Variants in FHDC1 observed in about 807,000 individuals in gnomAD.
FHDC1 encodes the protein FH2 domain containing 1, also known as FH2 domain-containing protein 1.
FHDC1 carries 25 observed loss-of-function variants against 52.6 expected under a neutral mutation model. That is an observed-to-expected ratio of 0.48 (90% CI 0.35 to 0.66). The LOEUF (loss-of-function observed/expected upper bound fraction) is 0.66, where lower values mean the gene tolerates loss of function less well. Ranked by LOEUF, FHDC1 falls within the 30% of genes least tolerant of loss-of-function variation. FHDC1 has a pLI of 0.01. For missense variants in FHDC1, 1,459 were observed against 1,452.8 expected (o/e 1.00, Z -0.07); for synonymous variants, 616 against 581.5 (o/e 1.06, Z -0.85).
rs73863315 is a variant in FHDC1, at chr4:152,940,142, C to G, written c.-130-2786C>G. Among the ~76,000 whole-genome samples, 887 of 152,348 alleles carry G rather than the reference C, an allele frequency of 5.8e-3. 8 individuals are homozygous for G. Among genetic ancestry groups the G allele is most frequent in the African/African-American group, 0.02 (829 of 41,580 alleles). On this transcript the variant is annotated intron_variant, in intron 1 of 11. Coordinates refer to ENST00000511601, the MANE Select transcript of FHDC1 (RefSeq NM_001371116.1). The stretch of plus-strand genomic sequence containing the variant: ...GGGTTAGAATTCTGTCTGTACTCCA[C>G]TTTTCCTGCCACCTCTTTCACATTG...
intron 1 of FHDC1, among the ~76,000 whole-genome samples, chr4:152,937,966 G>C (rs1296925141): frequency 6.6e-6 from 1 of 152,164 alleles, no homozygotes; most frequent in Non-Finnish European, 1.5e-5. Context: ...CAGAGAGCTG[G>C]TGAACTACTA....
At position 152,949,387 on chromosome 4, in the gene FHDC1, G is replaced by A. The variant is rs949510663; in HGVS notation, c.499-4112G>A. 1.0e-3 allele frequency among the ~76,000 whole-genome samples: 153 copies of A among 152,108 alleles called. 1 individual carries two copies. The highest frequency in any genetic ancestry group is 2.1e-4 in the Non-Finnish European group (14 of 68,004). On this transcript the variant is annotated intron_variant, in intron 2 of 11. Transcript: ENST00000511601. ...CCTAGCTACTCAGGAGGCTGATGCA[G>A]AAGGATTGCTTGAGCCCAGGAGTTT...
intron 8 of FHDC1, among the ~76,000 whole-genome samples, chr4:152,963,398 A>G (rs567132836): frequency 5.3e-5 from 8 of 152,306 alleles, no homozygotes; most frequent in Non-Finnish European, 8.8e-5. Context: ...GGGAATTTGG[A>G]TTTCATGCTT....
chr4:152,949,118 TAATAATAAGAAGAAGAAGAAG>T (rs1358885951), intron 2 of FHDC1, among the ~76,000 whole-genome samples: 1,915 of 75,742 alleles, frequency 0.025, 21 homozygotes, highest in East Asian at 0.049. Context: ...ATAATAATAA[TAATAATAAGAAGAAGAAGAAG>T]AAGAAGAAGA....
Position 152,976,843 on chromosome 4 carries a change from C to A in FHDC1, c.*120C>A. ...GATAAAGCAGCCACTGGTGCCACTG[C>A]TAGTGACGCTGTTGGGATGGCACAG... On this transcript the variant is annotated 3_prime_UTR_variant, in exon 12 of 12. Transcript: ENST00000511601. 2 of 1,297,712 alleles carry A rather than the reference C, an allele frequency of 1.5e-6. No individual in the cohort carries two copies. Among genetic ancestry groups the A allele is most frequent in the Non-Finnish European group, 2.1e-6 (2 of 975,472 alleles). 80.4% of individuals were successfully genotyped at this position (1,297,712 alleles called of 1,614,324 possible).
At chr4:152,927,016 C>G in the FHDC1 span, among the ~76,000 whole-genome samples, 1 of 152,232 alleles carries the variant, frequency 6.6e-6, no homozygotes, top group Admixed American at 6.5e-5. Flanking sequence ...GAAGACTGCT[C>G]TCTACCATCC....
the FHDC1 span, chr4:152,928,315 C>G: frequency 1.9e-6 from 1 of 525,886 alleles, no homozygotes; most frequent in Non-Finnish European, 3.4e-6. Flanking sequence ...TGCCTGCATC[C>G]TGTGCACAAC....
intron 1 of FHDC1, among the ~76,000 whole-genome samples, chr4:152,941,233 TCAC>T (rs1739565351): frequency 1.3e-5 from 2 of 152,214 alleles, no homozygotes; most frequent in Non-Finnish European, 2.9e-5. Flanking sequence ...TAATAGATGA[TCAC>T]CAAGCATTGA....
chr4:152,960,451 G>T, intron 4 of FHDC1, 114 bp from the exon 5 acceptor site: 3 of 931,750 alleles, frequency 3.2e-6, no homozygotes, highest in Non-Finnish European at 3.2e-6. Flanking sequence ...AAATTAATTT[G>T]AATTTAGCAC....
intron 11 of FHDC1, among the ~76,000 whole-genome samples, chr4:152,974,437 C>T (rs1698017345): frequency 6.6e-6 from 1 of 152,056 alleles, no homozygotes; most frequent in African/African-American, 2.4e-5. Flanking sequence ...CAGCACTCAC[C>T]CCTTCTGCTC....
Position 152,975,797 on chromosome 4 carries a change from G to T in FHDC1, c.2506G>T (p.Val836Phe). ...SSPPGEAPAP[V>F]SVDSEPSCKG... ...CCCCCCTGGGGAGGCTCCTGCCCCC[G>T]TCTCTGTGGATAGTGAGCCCAGCTG... Residue 836 changes from valine to phenylalanine, a missense_variant, in exon 12 of 12, where the codon GTC (valine) becomes TTC (phenylalanine). Physicochemically the swap from Val to Phe is conservative, Grantham distance 50. Around this residue, in one of 3 missense-constraint regions of FHDC1, gnomAD observed 939 missense variants for 854.5 expected, o/e 1.10. Transcript: ENST00000511601. The T allele has an allele frequency of 1.3e-6, 2 of 1,535,526 alleles. No homozygotes were observed. The highest frequency in any genetic ancestry group is 1.8e-6 in the Non-Finnish European group (2 of 1,142,084).
chr4:152,953,512 A>C lies in FHDC1; in HGVS notation c.512A>C (p.Asp171Ala), dbSNP rs1375297566. 13 of 1,612,268 alleles carry C rather than the reference A, an allele frequency of 8.1e-6. No individual in the cohort carries two copies. Among genetic ancestry groups the C allele is most frequent in the Non-Finnish European group, 1.1e-5 (13 of 1,179,696 alleles). ...REAREEITIL[D>A]AKRSMNIGIF... ...TTTTTTTTCCAGATTACTATTTTGG[A>C]TGCAAAACGGAGCATGAACATTGGG... is the stretch of plus-strand genomic sequence containing the variant. Residue 171 changes from aspartate to alanine, a missense_variant, in exon 3 of 12, where the codon GAT becomes GCT. Asp to Ala is a moderately radical substitution (Grantham distance 126, BLOSUM62 -2). Around this residue, in one of 3 missense-constraint regions of FHDC1, gnomAD observed 513 missense variants for 581.5 expected, o/e 0.88. Transcript: ENST00000511601.
At chr4:152,939,325 C>T (rs1418641597) in intron 1 of FHDC1, among the ~76,000 whole-genome samples, 2 of 152,072 alleles carry the variant, frequency 1.3e-5, no homozygotes, top group South Asian at 2.1e-4. Flanking sequence ...TTAGTAGAGA[C>T]GGGTTTCACC....
At chr4:152,928,379 T>C in the FHDC1 span, among the ~76,000 whole-genome samples, 7,391 of 152,284 alleles carry the variant, frequency 0.049, 232 homozygotes, top group South Asian at 0.12. Flanking sequence ...ATCTGTGGCC[T>C]GAATCGTGTT....
At position 152,977,922 on chromosome 4, in the gene FHDC1, G is replaced by A. The variant is rs1272807097; in HGVS notation, c.*1199G>A. On this transcript the variant is annotated 3_prime_UTR_variant, in exon 12 of 12. Transcript: ENST00000511601. ...TTGTCTGGCTTGCCCACTTCTCCGT[G>A]CATGACTCTGGGTGTGAGTCTGTCT... The A allele has an allele frequency of 6.6e-6, 1 of 152,266 alleles. No homozygotes were observed. Among genetic ancestry groups the A allele is most frequent in the African/African-American group, 2.4e-5 (1 of 41,460 alleles). 9.4% of individuals were successfully genotyped at this position (152,266 alleles called of 1,614,324 possible).
At chr4:152,973,047 C>T (rs17277344) in intron 11 of FHDC1, among the ~76,000 whole-genome samples, 9,738 of 152,250 alleles carry the variant, frequency 0.064, 422 homozygotes, top group African/African-American at 0.11. Flanking sequence ...GAGCGGTCTT[C>T]CAGATTCCCA....
intron 2 of FHDC1, among the ~76,000 whole-genome samples, chr4:152,950,193 C>T (rs1014659488): frequency 2.6e-5 from 4 of 152,162 alleles, no homozygotes; most frequent in African/African-American, 4.8e-5. Flanking sequence ...CAACCCGACC[C>T]GACTTTGTTT....
At chr4:152,918,339 AC>A in the FHDC1 span, 1 of 152,210 alleles carries the variant, frequency 6.6e-6, no homozygotes, top group Non-Finnish European at 1.5e-5. Flanking sequence ...TAGTGAACTA[AC>A]TTCAACAATT....
the FHDC1 span, among the ~76,000 whole-genome samples, chr4:152,912,922 A>G: frequency 6.6e-6 from 1 of 152,224 alleles, no homozygotes; most frequent in African/African-American, 2.4e-5. Flanking sequence ...TCCATATTCA[A>G]AACACACTGA....
Sources: allele counts gnomAD v4.1 joint callset (sites outside exome capture counted in the v4.1 genomes callset), GRCh38; gene constraint gnomAD v4.1.1; regional missense constraint gnomAD v4.1.1; transcripts MANE v1.5; gene names NCBI Gene and HGNC (gene_info 2026-07-23, HGNC 2026-07-21).